Variants in VEPH1 observed in about 807,000 individuals in gnomAD.
VEPH1 encodes ventricular zone expressed PH domain containing 1.
A neutral mutation model predicts 85.2 loss-of-function variants in VEPH1; 80 were observed. The observed-to-expected ratio is 0.94, with a 90% CI of 0.78 to 1.13. The LOEUF (loss-of-function observed/expected upper bound fraction) is 1.13. Among genes scored for constraint, VEPH1 ranks in the 50% most tolerant of loss-of-function variants. The pLI, the probability that VEPH1 is intolerant of heterozygous loss-of-function variation, is 0.00. For missense variants in VEPH1, 955 were observed against 980.5 expected (o/e 0.97, Z 0.35); for synonymous variants, 297 against 348.0 (o/e 0.85, Z 1.63).
At chr3:157,389,664 TAGATA>T (rs1327909960) in intron 6 of VEPH1, among the ~76,000 whole-genome samples, 2 of 151,686 alleles carry the variant, frequency 1.3e-5, no homozygotes, top group African/African-American at 2.4e-5. Flanking sequence ...GATAGATAGA[TAGATA>T]GATAGATAGA....
rs561213172 is a variant in VEPH1, at chr3:157,433,190, C to G, written c.530-4702G>C. On this transcript the variant is annotated intron_variant, in intron 4 of 13. Coordinates refer to ENST00000362010, the MANE Select transcript of VEPH1 (RefSeq NM_001167912.2). ...AATAACAACTTCATTTCTTTCCATCCTAATCCTTATGTTTCTTCTCCTTAT... is the reference window on the plus strand; with the variant it reads ...AATAACAACTTCATTTCTTTCCATCGTAATCCTTATGTTTCTTCTCCTTAT... 7.2e-5 allele frequency among the ~76,000 whole-genome samples: 11 copies of G among 152,234 alleles called. 1 individual carries two copies. The East Asian group carries it at 1.5e-3, about 21-fold the overall frequency.
chr3:157,265,684 T>A (rs200850746), intron 12 of VEPH1, 22 bp from the exon 13 acceptor site: 2 of 1,611,192 alleles, frequency 1.2e-6, no homozygotes, highest in East Asian at 2.2e-5. Context: ...AGCAGAATAA[T>A]CATGCCATGT....
chr3:157,340,416 C>T (rs564911487), intron 9 of VEPH1, among the ~76,000 whole-genome samples: 1 of 152,280 alleles, frequency 6.6e-6, no homozygotes, highest in East Asian at 1.9e-4. Flanking sequence ...CATGGAGCCT[C>T]GCTCATTGCT....
At chr3:157,400,979 A>C (rs1577569638) in intron 6 of VEPH1, among the ~76,000 whole-genome samples, 2 of 152,180 alleles carry the variant, frequency 1.3e-5, no homozygotes, top group South Asian at 4.2e-4. Flanking sequence ...CCCCTCATGT[A>C]AATGACCTCT....
At chr3:157,365,817 C>T (rs1726614219) in intron 7 of VEPH1, among the ~76,000 whole-genome samples, 1 of 152,168 alleles carries the variant, frequency 6.6e-6, no homozygotes, top group Admixed American at 6.5e-5. Flanking sequence ...GTACGCTGTA[C>T]TCCCAGCAAC....
intron 7 of VEPH1, among the ~76,000 whole-genome samples, chr3:157,366,285 A>AT (rs1726685411): frequency 6.6e-6 from 1 of 152,048 alleles, no homozygotes; most frequent in Non-Finnish European, 1.5e-5. Flanking sequence ...TGTCTTTAGT[A>AT]TTTTTCCAAG....
intron 7 of VEPH1, 106 bp downstream of exon 7, chr3:157,381,050 G>A: frequency 9.0e-7 from 1 of 1,117,028 alleles, no homozygotes; most frequent in Non-Finnish European, 1.3e-6. Flanking sequence ...TCTCTGTTGA[G>A]ATACAGGTTT....
At chr3:157,467,740 A>G (rs557442302) in intron 3 of VEPH1, among the ~76,000 whole-genome samples, 1 of 152,270 alleles carries the variant, frequency 6.6e-6, no homozygotes, top group East Asian at 1.9e-4. Context: ...CACCGGCCCT[A>G]CATGCTAGAC....
chr3:157,353,498 C>T (rs1203532301), intron 9 of VEPH1, among the ~76,000 whole-genome samples: 1 of 152,074 alleles, frequency 6.6e-6, no homozygotes, highest in Non-Finnish European at 1.5e-5. Context: ...AAGTCCTGAG[C>T]TCAGGCGATC....
chr3:157,269,642 G>GTTTTTTTTTTTTTTTT (rs11408861), intron 12 of VEPH1, among the ~76,000 whole-genome samples: 194 of 115,384 alleles, frequency 1.7e-3, no homozygotes, highest in Non-Finnish European at 2.4e-3. Context: ...TGTTTTTGTT[G>GTTTTTTTTTTTTTTTT]TTTTTTTTTT....
chr3:157,333,539 A>G (rs77893353), intron 9 of VEPH1, among the ~76,000 whole-genome samples: 1 of 152,240 alleles, frequency 6.6e-6, no homozygotes, highest in African/African-American at 2.4e-5. Context: ...ACACACACAT[A>G]CCTCTCTATA....
At chr3:157,437,343 T>A (rs1733680030) in intron 4 of VEPH1, among the ~76,000 whole-genome samples, 1 of 152,170 alleles carries the variant, frequency 6.6e-6, no homozygotes, top group Non-Finnish European at 1.5e-5. Context: ...ATGAATGATT[T>A]CTGTCGTTTC....
Position 157,275,437 on chromosome 3 carries a change from G to A in VEPH1, c.2129-9775C>T, listed in dbSNP as rs548895159. Among the ~76,000 whole-genome samples the A allele has an allele frequency of 1.9e-3, 287 of 152,176 alleles. 1 individual carries two copies. Among genetic ancestry groups the A allele is most frequent in the African/African-American group, 6.5e-3 (268 of 41,510 alleles). The stretch of plus-strand genomic sequence containing the variant: ...CTAAAATACAAAAAATTAGCCGGGT[G>A]TGGTGGCATGCGCCTGTAGTCCCAG... On this transcript the variant is annotated intron_variant, in intron 12 of 13. Coordinates refer to ENST00000362010, the MANE Select transcript of VEPH1 (RefSeq NM_001167912.2).
At chr3:157,462,980 C>A (rs1239293260) in intron 3 of VEPH1, among the ~76,000 whole-genome samples, 1 of 152,154 alleles carries the variant, frequency 6.6e-6, no homozygotes, top group East Asian at 1.9e-4. Context: ...AAGGGAGGAT[C>A]AAAAGTAGTT....
At chr3:157,436,922 G>A (rs1211460208) in intron 4 of VEPH1, 5 of 1,610,740 alleles carry the variant, frequency 3.1e-6, no homozygotes, top group Non-Finnish European at 4.2e-6. Context: ...AGAACTTTGC[G>A]TCTCTCCAGC....
At chr3:157,361,031 A>G (rs1725998144) in intron 9 of VEPH1, among the ~76,000 whole-genome samples, 1 of 152,194 alleles carries the variant, frequency 6.6e-6, no homozygotes, top group Admixed American at 6.5e-5. Flanking sequence ...TATCTTTGCT[A>G]TTGACTCCCT....
intron 9 of VEPH1, among the ~76,000 whole-genome samples, chr3:157,342,201 A>G (rs1428155852): frequency 1.3e-5 from 2 of 152,226 alleles, no homozygotes; most frequent in Admixed American, 1.3e-4. Flanking sequence ...TAAATGGGCT[A>G]AATGTTCCAA....
At chr3:157,436,798 C>A (rs189510292) in intron 4 of VEPH1, 6 of 989,398 alleles carry the variant, frequency 6.1e-6, no homozygotes, top group Non-Finnish European at 1.4e-6. Flanking sequence ...CTCATTCATC[C>A]CCATTCAGGC....
chr3:157,498,203 C>T (rs566274841), intron 1 of VEPH1, among the ~76,000 whole-genome samples: 3 of 152,292 alleles, frequency 2.0e-5, no homozygotes, highest in African/African-American at 7.2e-5. Context: ...ATCTAGGAAC[C>T]AAGGGTCATG....
Sources: allele counts gnomAD v4.1 joint callset (sites outside exome capture counted in the v4.1 genomes callset), GRCh38; gene constraint gnomAD v4.1.1; transcripts MANE v1.5; gene names NCBI Gene and HGNC (gene_info 2026-07-23, HGNC 2026-07-21).